Variants in SDHAF4 observed in about 807,000 individuals in gnomAD.
SDHAF4 encodes the protein succinate dehydrogenase complex assembly factor 4.
In SDHAF4, 14 loss-of-function variants were observed where a neutral mutation model predicts 14.3. The ratio of observed to expected loss-of-function variants is 0.98; its 90% confidence interval spans 0.65 to 1.53. SDHAF4 has a LOEUF of 1.53. SDHAF4 is among the 40% of genes most tolerant of loss of function. The pLI, the probability that SDHAF4 is intolerant of heterozygous loss-of-function variation, is 0.00. For missense variants in SDHAF4, 141 were observed against 129.3 expected (o/e 1.09, Z -0.44); for synonymous variants, 63 against 47.3 (o/e 1.33, Z -1.36).
At chr6:70,581,351 T>G (rs1802319825) in intron 2 of SDHAF4, among the ~76,000 whole-genome samples, 1 of 152,144 alleles carries the variant, frequency 6.6e-6, no homozygotes, top group Non-Finnish European at 1.5e-5. Context: ...TTTCAAAAGC[T>G]AATCATCTAT....
At chr6:70,579,675 T>C in intron 2 of SDHAF4, 109 bp downstream of exon 2, 1 of 830,336 alleles carries the variant, frequency 1.2e-6, no homozygotes. Context: ...AATTCTGTAG[T>C]AATAAAGCAT....
At position 70,588,797 on chromosome 6, in the gene SDHAF4, C is replaced by T; in HGVS notation, c.*73C>T. 1.3e-6 allele frequency: 1 copy of T among 790,730 alleles called. No homozygotes were observed. Among genetic ancestry groups the T allele is most frequent in the Non-Finnish European group, 2.1e-6 (1 of 484,992 alleles). The allele number at this position is 790,730 out of a possible 1,614,324, so 49.0% of individuals were successfully genotyped here. A position where few individuals can be genotyped will look rare whatever the true frequency, so the allele number is the denominator to read the frequency against. Reference sequence around the variant, plus strand: ...GAATTAACTTATTTCTGATTATTTTCTTTCTTTATATCCTTTATGTCGTGT... The same window carrying T: ...GAATTAACTTATTTCTGATTATTTTTTTTCTTTATATCCTTTATGTCGTGT... On this transcript the variant is annotated 3_prime_UTR_variant, in exon 3 of 3. Transcript: ENST00000370474.
intron 1 of SDHAF4, among the ~76,000 whole-genome samples, chr6:70,570,411 C>T (rs1204454273): frequency 6.6e-6 from 1 of 152,142 alleles, no homozygotes; most frequent in Non-Finnish European, 1.5e-5. Flanking sequence ...CAACCTCCAC[C>T]TCCCGAAATC....
At position 70,588,725 on chromosome 6, in the gene SDHAF4, G is replaced by A. The variant is rs1765230900; in HGVS notation, c.*1G>A. 1 of 1,570,540 alleles carries A rather than the reference G, an allele frequency of 6.4e-7. No individual in the cohort carries two copies. Among genetic ancestry groups the A allele is most frequent in the Admixed American group, 1.7e-5 (1 of 58,808 alleles). On this transcript the variant is annotated 3_prime_UTR_variant, in exon 3 of 3. Transcript: ENST00000370474. Reference sequence around the variant, plus strand: ...AAAAGGACGCTGTATTGATTTTTAAGTCGCATATTCTTTAACTTCAATATT... The same window carrying A: ...AAAAGGACGCTGTATTGATTTTTAAATCGCATATTCTTTAACTTCAATATT...
At chr6:70,584,805 A>G (rs1372161712) in intron 2 of SDHAF4, among the ~76,000 whole-genome samples, 1 of 152,228 alleles carries the variant, frequency 6.6e-6, no homozygotes. Context: ...GAAAGTCATC[A>G]GGAAAGAGAT....
intron 2 of SDHAF4, among the ~76,000 whole-genome samples, chr6:70,584,012 GGTTGTTGTTGTT>G (rs113227748): frequency 2.6e-5 from 4 of 151,448 alleles, no homozygotes; most frequent in East Asian, 1.9e-4. Context: ...AGTTGAGTGA[GGTTGTTGTTGTT>G]GTTGTTGTTG....
chr6:70,580,886 G>C (rs116047042), intron 2 of SDHAF4, among the ~76,000 whole-genome samples: 2,913 of 152,198 alleles, frequency 0.019, 100 homozygotes, highest in African/African-American at 0.066. Flanking sequence ...AAATGTTTTA[G>C]GTATAGATAG....
At chr6:70,576,612 T>C (rs1434564329) in intron 1 of SDHAF4, among the ~76,000 whole-genome samples, 1 of 152,244 alleles carries the variant, frequency 6.6e-6, no homozygotes, top group African/African-American at 2.4e-5. Context: ...TCTATTTCTT[T>C]AAACAAGGTA....
Position 70,573,264 on chromosome 6 carries a change from C to CTTTTTG in SDHAF4, c.65-6145_65-6144insGTTTTT, listed in dbSNP as rs1307289970. On this transcript the variant is annotated intron_variant, in intron 1 of 2. Coordinates refer to ENST00000370474, the MANE Select transcript of SDHAF4 (RefSeq NM_145267.3). ...AATTGTATTTATTCTGCTATTTGGC[C>CTTTTTG]TTTTTTTTTTTTTTTTTGAGACGGA... Among the ~76,000 whole-genome samples the CTTTTTG allele has an allele frequency of 4.5e-3, 500 of 110,434 alleles. 19 individuals carry two copies. The highest frequency in any genetic ancestry group is 0.022 in the African/African-American group (473 of 21,900). 72.4% of individuals were successfully genotyped at this position (110,434 alleles called of 152,430 possible).
intron 1 of SDHAF4, among the ~76,000 whole-genome samples, chr6:70,568,850 C>T (rs1393497152): frequency 6.6e-6 from 1 of 151,912 alleles, no homozygotes; most frequent in East Asian, 1.9e-4. Context: ...TAATTTTTGG[C>T]TGCCTACAGG....
intron 2 of SDHAF4, among the ~76,000 whole-genome samples, chr6:70,587,527 G>A (rs1206837774): frequency 6.6e-6 from 1 of 152,110 alleles, no homozygotes; most frequent in African/African-American, 2.4e-5. Flanking sequence ...TTAGCGCTCT[G>A]TCTAATAGTT....
chr6:70,595,760 C>G, the SDHAF4 span, among the ~76,000 whole-genome samples: 1 of 149,162 alleles, frequency 6.7e-6, no homozygotes, highest in Admixed American at 6.8e-5. Flanking sequence ...CGCTTGAACC[C>G]GGGAGGCGGA....
chr6:70,571,193 C>G (rs1221585563), intron 1 of SDHAF4, among the ~76,000 whole-genome samples: 1 of 151,884 alleles, frequency 6.6e-6, no homozygotes, highest in East Asian at 1.9e-4. Context: ...AGGTGTTCTT[C>G]GTCTTACTGA....
At chr6:70,574,470 A>T (rs997101661) in intron 1 of SDHAF4, among the ~76,000 whole-genome samples, 1 of 152,218 alleles carries the variant, frequency 6.6e-6, no homozygotes, top group Non-Finnish European at 1.5e-5. Flanking sequence ...AACCAAGGTT[A>T]AAGTAGATAC....
At chr6:70,567,030 G>A in intron 1 of SDHAF4, 26 bp downstream of exon 1, 3 of 1,563,086 alleles carry the variant, frequency 1.9e-6, no homozygotes, top group African/African-American at 1.4e-5. Context: ...CGGGGCCACG[G>A]TCGCGGGAGG....
At chr6:70,570,293 T>C (rs1430190699) in intron 1 of SDHAF4, among the ~76,000 whole-genome samples, 3 of 152,194 alleles carry the variant, frequency 2.0e-5, no homozygotes, top group Non-Finnish European at 4.4e-5. Flanking sequence ...ATTCATATCA[T>C]CTGCAAATGG....
the SDHAF4 span, among the ~76,000 whole-genome samples, chr6:70,594,776 G>A: frequency 4.6e-5 from 7 of 152,108 alleles, no homozygotes; most frequent in African/African-American, 7.2e-5. Flanking sequence ...GCCAGATGTG[G>A]TGGTGCACAC....
chr6:70,570,774 C>T lies in SDHAF4; in HGVS notation c.64+3770C>T, dbSNP rs149036834. 2.3e-4 allele frequency among the ~76,000 whole-genome samples: 35 copies of T among 152,228 alleles called. No individual in the cohort carries two copies. In the East Asian group the frequency reaches 6.4e-3, roughly 28 times the overall value. ...TGCAGTCATTTAGATAAAATTGCTA[C>T]ATTTTTTTTTAAGTCACCATCTCCT... On this transcript the variant is annotated intron_variant, in intron 1 of 2. Transcript: ENST00000370474.
chr6:70,573,765 C>T (rs1296099958), intron 1 of SDHAF4, among the ~76,000 whole-genome samples: 9 of 150,926 alleles, frequency 6.0e-5, no homozygotes, highest in Admixed American at 5.9e-4. Context: ...ACCTCTGCTG[C>T]CCTGGTTCAA....
Sources: gnomAD v4.1 joint callset for allele counts (sites outside exome capture counted in the v4.1 genomes callset) on GRCh38, gnomAD v4.1.1 for gene constraint, MANE v1.5 for transcripts, NCBI Gene and HGNC (gene_info 2026-07-23, HGNC 2026-07-21) for gene names.